Variants in RALGPS1 observed in about 807,000 individuals in gnomAD.
RALGPS1 encodes Ral GEF with PH domain and SH3 binding motif 1, also known as ras-specific guanine nucleotide-releasing factor RalGPS1.
A neutral mutation model predicts 78.8 loss-of-function variants in RALGPS1; 19 were observed. The observed-to-expected ratio is 0.24, with a 90% CI of 0.17 to 0.35. The LOEUF (loss-of-function observed/expected upper bound fraction) is 0.35. Ranked by LOEUF, RALGPS1 falls within the 10% of genes least tolerant of loss-of-function variation. RALGPS1 has a pLI of 1.00. For synonymous variants in RALGPS1, 228 were observed against 256.3 expected, an observed-to-expected ratio of 0.89 and a Z score of 1.06; for missense variants, 454 against 688.3, an observed-to-expected ratio of 0.66 and a Z score of 3.81.
At chr9:127,188,056 CTTTTTTTTTTT>C (rs35971647) in intron 11 of RALGPS1, among the ~76,000 whole-genome samples, 7 of 81,700 alleles carry the variant, frequency 8.6e-5, no homozygotes, top group African/African-American at 2.4e-4. Flanking sequence ...GAATTAGAGC[CTTTTTTTTTTT>C]TTTTTTTTTT....
intron 1 of RALGPS1, among the ~76,000 whole-genome samples, chr9:126,957,700 G>A (rs532044469): frequency 2.9e-4 from 44 of 152,288 alleles, no homozygotes; most frequent in African/African-American, 1.0e-3. Flanking sequence ...ATTTTGAAGT[G>A]TATGGGTTTT....
chr9:127,060,123 C>T (rs532664442), intron 7 of RALGPS1, among the ~76,000 whole-genome samples: 71 of 152,154 alleles, frequency 4.7e-4, no homozygotes, highest in Admixed American at 4.1e-3. Context: ...GAGGAGAGTC[C>T]GGCTGCCCAC....
chr9:127,085,500 T>G (rs1036826981), intron 8 of RALGPS1, among the ~76,000 whole-genome samples: 1 of 152,192 alleles, frequency 6.6e-6, no homozygotes, highest in African/African-American at 2.4e-5. Context: ...CATGCTCTTC[T>G]TCCATGCCAC....
rs113600272 is a variant in RALGPS1, at chr9:127,137,119, G to A, written c.611-28950G>A. Among the ~76,000 whole-genome samples the A allele has an allele frequency of 7.3e-4, 111 of 152,310 alleles. 2 individuals are homozygous for A. The highest frequency in any genetic ancestry group is 2.6e-3 in the African/African-American group (107 of 41,556). ...GTATACATGGGTAACTGAGATAATG[G>A]CCTGTTTGACAAGGTTGCCTAAGGG... On this transcript the variant is annotated intron_variant, in intron 8 of 18. Coordinates refer to ENST00000259351, the MANE Select transcript of RALGPS1 (RefSeq NM_014636.3).
chr9:127,040,748 A>G (rs1483730637), intron 5 of RALGPS1, among the ~76,000 whole-genome samples: 1 of 152,120 alleles, frequency 6.6e-6, no homozygotes, highest in Non-Finnish European at 1.5e-5. Context: ...ATTGGTGTGG[A>G]GGGGAAGATA....
intron 4 of RALGPS1, among the ~76,000 whole-genome samples, chr9:126,980,588 A>G (rs970083899): frequency 6.6e-6 from 1 of 152,164 alleles, no homozygotes; most frequent in Admixed American, 6.5e-5. Flanking sequence ...TAATTTTCTA[A>G]TTTCTAATTT....
intron 14 of RALGPS1, chr9:127,210,691 G>A (rs1395661150): frequency 5.8e-6 from 9 of 1,549,668 alleles, no homozygotes; most frequent in Admixed American, 2.0e-5. Flanking sequence ...CTTTTCCTCT[G>A]AAGCAGGGGA....
intron 8 of RALGPS1, among the ~76,000 whole-genome samples, chr9:127,124,503 A>G (rs2056457519): frequency 6.6e-6 from 1 of 152,032 alleles, no homozygotes; most frequent in Non-Finnish European, 1.5e-5. Context: ...AGAGAGAGCC[A>G]TTCTACTGTT....
chr9:127,194,883 G>A (rs2061270045), intron 11 of RALGPS1, among the ~76,000 whole-genome samples: 1 of 152,178 alleles, frequency 6.6e-6, no homozygotes. Context: ...TGTCAGCCTT[G>A]GGAGTCAAGT....
chr9:127,115,085 G>A (rs1564609059), intron 8 of RALGPS1, among the ~76,000 whole-genome samples: 2 of 152,304 alleles, frequency 1.3e-5, no homozygotes, highest in South Asian at 4.1e-4. Flanking sequence ...GAATTTGGGT[G>A]CCCAGCTGTA....
intron 1 of RALGPS1, among the ~76,000 whole-genome samples, chr9:126,935,283 A>G (rs2036155801): frequency 6.6e-6 from 1 of 152,126 alleles, no homozygotes; most frequent in South Asian, 2.1e-4. Flanking sequence ...CACACAGGAG[A>G]TGCTCAATAA....
intron 8 of RALGPS1, among the ~76,000 whole-genome samples, chr9:127,138,966 T>C (rs1265680646): frequency 6.6e-6 from 1 of 152,222 alleles, no homozygotes; most frequent in Non-Finnish European, 1.5e-5. Context: ...CCTGTTCTGG[T>C]CCTGTCAGAG....
intron 1 of RALGPS1, among the ~76,000 whole-genome samples, chr9:126,952,863 C>A (rs1306880292): frequency 2.6e-5 from 4 of 152,066 alleles, no homozygotes; most frequent in African/African-American, 9.7e-5. Flanking sequence ...GAGGAAGAGG[C>A]GGCTGCGGAG....
At chr9:127,100,681 C>CT (rs1448239190) in intron 8 of RALGPS1, among the ~76,000 whole-genome samples, 1 of 152,144 alleles carries the variant, frequency 6.6e-6, no homozygotes, top group Non-Finnish European at 1.5e-5. Context: ...GGCCATGGCT[C>CT]TGTCAGAGAC....
chr9:127,104,860 C>A (rs1258638397), intron 8 of RALGPS1, among the ~76,000 whole-genome samples: 2 of 152,190 alleles, frequency 1.3e-5, no homozygotes, highest in African/African-American at 4.8e-5. Flanking sequence ...AGTGATGTCC[C>A]TAAGAACAAA....
At chr9:127,107,096 T>A (rs568935242) in intron 8 of RALGPS1, 1 of 152,318 alleles carries the variant, frequency 6.6e-6, no homozygotes, top group South Asian at 2.1e-4. Flanking sequence ...GAAATGATGA[T>A]TCCTAGAGTC....
At chr9:127,050,018 T>C (rs1480013951) in intron 5 of RALGPS1, 25 bp from the exon 6 acceptor site, 1 of 1,538,970 alleles carries the variant, frequency 6.5e-7, no homozygotes, top group East Asian at 2.2e-5. Flanking sequence ...TGTATGTGTG[T>C]ATGTGTGTGT....
intron 8 of RALGPS1, among the ~76,000 whole-genome samples, chr9:127,137,828 G>C (rs902535346): frequency 3.9e-5 from 6 of 152,110 alleles, no homozygotes; most frequent in African/African-American, 1.4e-4. Flanking sequence ...AGCGTGTAGA[G>C]GCTAAGGGGT....
Position 127,219,957 on chromosome 9 carries a change from G to A in RALGPS1, c.*1188G>A, listed in dbSNP as rs933365958. 9 of 152,680 alleles carry A rather than the reference G, an allele frequency of 5.9e-5. No homozygotes were observed. Among genetic ancestry groups the A allele is most frequent in the Non-Finnish European group, 8.8e-5 (6 of 68,052 alleles). 9.5% of individuals were successfully genotyped at this position (152,680 alleles called of 1,614,324 possible). ...GTTGATGACCGTGTGACAATAGAGC[G>A]AAGCCCCGGGGAGTGAACGGTCCAA... On this transcript the variant is annotated 3_prime_UTR_variant, in exon 19 of 19. Coordinates refer to ENST00000259351, the MANE Select transcript of RALGPS1 (RefSeq NM_014636.3). This position sits in a 1 kb window ranked among gnomAD's most constrained non-coding sequence, Gnocchi z 5.0.
Sources: allele counts gnomAD v4.1 joint callset (sites outside exome capture counted in the v4.1 genomes callset), GRCh38; gene constraint gnomAD v4.1.1; non-coding constraint Gnocchi (gnomAD v3.1); transcripts MANE v1.5; gene names NCBI Gene and HGNC (gene_info 2026-07-23, HGNC 2026-07-21).